SRP72: variants seen among roughly 807,000 people sequenced by gnomAD.
SRP72 encodes the protein signal recognition particle 72.
A neutral mutation model predicts 96.3 loss-of-function variants in SRP72; 49 were observed. That is an observed-to-expected ratio of 0.51 (90% CI 0.40 to 0.65). The LOEUF (loss-of-function observed/expected upper bound fraction) is 0.65, where lower values mean the gene tolerates loss of function less well. Among genes scored for constraint, SRP72 ranks in the 30% least tolerant of loss-of-function variants. SRP72 has a pLI of 0.00. For synonymous variants in SRP72, 267 were observed against 275.2 expected (o/e 0.97, Z 0.30); for missense variants, 736 against 793.3 (o/e 0.93, Z 0.87).
At chr4:56,482,911 G>A (rs1578185770) in intron 8 of SRP72, among the ~76,000 whole-genome samples, 1 of 152,168 alleles carries the variant, frequency 6.6e-6, no homozygotes, top group East Asian at 1.9e-4. Flanking sequence ...GGTAGATTCT[G>A]GGATAACTAT....
intron 10 of SRP72, among the ~76,000 whole-genome samples, chr4:56,485,868 T>C (rs1310178123): frequency 6.6e-6 from 1 of 152,158 alleles, no homozygotes; most frequent in Non-Finnish European, 1.5e-5. Context: ...ATACAAACTT[T>C]AAAAATCATT....
intron 8 of SRP72, among the ~76,000 whole-genome samples, chr4:56,479,107 A>G (rs982680956): frequency 2.6e-5 from 4 of 152,110 alleles, no homozygotes; most frequent in Admixed American, 2.6e-4. Flanking sequence ...GTAAAATACT[A>G]TAAATATATA....
intron 5 of SRP72, 184 bp downstream of exon 5, chr4:56,474,575 A>G (rs1390250038): frequency 1.3e-5 from 8 of 617,284 alleles, no homozygotes; most frequent in Middle Eastern, 4.3e-4. Flanking sequence ...ACAGAATCTT[A>G]CCCTGTTGCC....
intron 6 of SRP72, 143 bp downstream of exon 6, chr4:56,476,845 A>G (rs762935042): frequency 3.9e-6 from 3 of 775,368 alleles, no homozygotes; most frequent in Non-Finnish European, 6.1e-6. Context: ...ACCCTCTAGT[A>G]TCAGTTATTT....
In SRP72 at chr4:56,484,026, AT is replaced by A. The variant is rs539665243; in HGVS notation, c.958-685del. 3.0e-3 allele frequency among the ~76,000 whole-genome samples: 264 copies of A among 86,598 alleles called. 4 individuals are homozygous for A. The East Asian group carries it at 0.068, about 22-fold the overall frequency. 56.8% of individuals were successfully genotyped at this position (86,598 alleles called of 152,430 possible). A position where few individuals can be genotyped will look rare whatever the true frequency, so the allele number is the denominator to read the frequency against. On this transcript the variant is annotated intron_variant, in intron 9 of 18. Coordinates refer to ENST00000642900, the MANE Select transcript of SRP72 (RefSeq NM_006947.4). ...TTTAGTGGGAGACAGAGAAGCAGTA[AT>A]TTTTTTTTTTTTTTTTTTTTTTTTG...
chr4:56,490,601 G>C lies in SRP72; in HGVS notation c.1458G>C (p.Gln486His), dbSNP rs771860199. ...CAAAAGATATTCACACCCTGGCACA[G>C]CTTATTTCTGCTTACTCACTTGTAG... ...QNPKDIHTLA[Q>H]LISAYSLVDP... The change falls in exon 15 of 19, where the codon CAG (glutamine) becomes CAC (histidine). Residue 486 changes from glutamine to histidine, a missense_variant. By Grantham distance (24) the Gln-to-His change is conservative. Around this residue, in one of 3 missense-constraint regions of SRP72, gnomAD observed 388 missense variants for 431.8 expected, o/e 0.90. Coordinates refer to ENST00000642900, the MANE Select transcript of SRP72 (RefSeq NM_006947.4). 6.2e-7 allele frequency: 1 copy of C among 1,613,904 alleles called. No individual in the cohort carries two copies. The highest frequency in any genetic ancestry group is 1.1e-5 in the South Asian group (1 of 91,052).
At chr4:56,477,372 A>C (rs76025952) in intron 6 of SRP72, among the ~76,000 whole-genome samples, 6,340 of 138,626 alleles carry the variant, frequency 0.046, 437 homozygotes, top group African/African-American at 0.16. Context: ...TGATATGATC[A>C]TAGGTCACTG....
intron 18 of SRP72, 71 bp from the exon 19 acceptor site, chr4:56,501,613 C>A: frequency 7.4e-7 from 1 of 1,357,876 alleles, no homozygotes; most frequent in Non-Finnish European, 1.0e-6. Context: ...AAGTAAAACC[C>A]ATGTACATAC....
At chr4:56,479,542 T>A (rs1483956947) in intron 8 of SRP72, among the ~76,000 whole-genome samples, 1 of 147,956 alleles carries the variant, frequency 6.8e-6, no homozygotes, top group Non-Finnish European at 1.5e-5. Flanking sequence ...TTTTTGAGAC[T>A]GTCACCCAGG....
At chr4:56,474,599 A>G in intron 5 of SRP72, 1 of 584,218 alleles carries the variant, frequency 1.7e-6, no homozygotes, top group South Asian at 2.2e-5. Flanking sequence ...GCTGGAGTAC[A>G]ATGGCACGAT....
intron 11 of SRP72, 115 bp from the exon 12 acceptor site, chr4:56,487,833 CA>C: frequency 1.4e-6 from 1 of 721,628 alleles, no homozygotes; most frequent in South Asian, 1.8e-5. Flanking sequence ...TGTTACAAAA[CA>C]TGAGTTATGG....
chr4:56,482,160 G>C (rs1009558892), intron 8 of SRP72, among the ~76,000 whole-genome samples: 1 of 150,516 alleles, frequency 6.6e-6, no homozygotes, highest in African/African-American at 2.4e-5. Context: ...GTATGTACTG[G>C]GCCGGGCACA....
intron 17 of SRP72, among the ~76,000 whole-genome samples, chr4:56,495,926 T>G (rs1721061817): frequency 6.6e-6 from 1 of 152,206 alleles, no homozygotes; most frequent in Admixed American, 6.5e-5. Flanking sequence ...AGTCATATGA[T>G]GTATATTGTA....
chr4:56,483,034 T>C (rs886586793), intron 8 of SRP72, 105 bp from the exon 9 acceptor site: 2 of 1,023,756 alleles, frequency 2.0e-6, no homozygotes, highest in Admixed American at 2.8e-5. Flanking sequence ...CCCAATCAGG[T>C]AGATAGATTC....
chr4:56,482,164 GGGCACAGT>G (rs1720521247), intron 8 of SRP72, among the ~76,000 whole-genome samples: 1 of 150,242 alleles, frequency 6.7e-6, no homozygotes, highest in Admixed American at 6.6e-5. Flanking sequence ...GTACTGGGCC[GGGCACAGT>G]GGCTCACGCC....
chr4:56,484,026 A>ATTTTTTTTT (rs539665243), intron 9 of SRP72, among the ~76,000 whole-genome samples: 1,119 of 86,570 alleles, frequency 0.013, 129 homozygotes, highest in African/African-American at 0.024. Flanking sequence ...AGAAGCAGTA[A>ATTTTTTTTT]TTTTTTTTTT....
At chr4:56,492,479 A>G (rs1439713183) in intron 16 of SRP72, among the ~76,000 whole-genome samples, 3 of 152,230 alleles carry the variant, frequency 2.0e-5, no homozygotes, top group African/African-American at 7.2e-5. Flanking sequence ...TGAATAGAGC[A>G]TGGAAAAGAT....
chr4:56,483,336 A>C, intron 9 of SRP72, 66 bp downstream of exon 9: 1 of 1,419,212 alleles, frequency 7.0e-7, no homozygotes, highest in Non-Finnish European at 9.6e-7. Context: ...AGTAATAGGG[A>C]TATTAGTCTA....
chr4:56,489,334 C>T (rs913583325), intron 12 of SRP72, 54 bp from the exon 13 acceptor site: 4 of 991,510 alleles, frequency 4.0e-6, no homozygotes, highest in South Asian at 1.8e-5. Context: ...TTTTCAAAAG[C>T]GGTATTCTGG....
Sources: allele counts gnomAD v4.1 joint callset (sites outside exome capture counted in the v4.1 genomes callset), GRCh38; gene constraint gnomAD v4.1.1; regional missense constraint gnomAD v4.1.1; transcripts MANE v1.5; gene names NCBI Gene and HGNC (gene_info 2026-07-23, HGNC 2026-07-21).